The following CLDN16 variants were observed in gnomAD, a reference collection of about 807,000 sequenced individuals.
CLDN16 encodes the protein claudin-16.
In CLDN16, 13 loss-of-function variants were observed where a neutral mutation model predicts 24.6. That is an observed-to-expected ratio of 0.53 (90% CI 0.34 to 0.84). The LOEUF (loss-of-function observed/expected upper bound fraction) is 0.84. Among genes scored for constraint, CLDN16 ranks in the 40% least tolerant of loss-of-function variants. The pLI is 0.01. For missense variants in CLDN16, 298 were observed against 292.7 expected (o/e 1.02, Z -0.13); for synonymous variants, 116 against 106.7 (o/e 1.09, Z -0.54).
At chr3:190,370,520 T>G (rs1718116130) in intron 1 of CLDN16, among the ~76,000 whole-genome samples, 1 of 151,992 alleles carries the variant, frequency 6.6e-6, no homozygotes, top group Non-Finnish European at 1.5e-5. Context: ...CCATGCTTGT[T>G]GTGCATAACT....
At chr3:190,370,027 G>C (rs1361350705) in intron 1 of CLDN16, among the ~76,000 whole-genome samples, 1 of 151,938 alleles carries the variant, frequency 6.6e-6, no homozygotes, top group Non-Finnish European at 1.5e-5. Context: ...ACCCTAAATA[G>C]CTGACATTCT....
At chr3:190,322,298 G>T, upstream of CLDN16, 2 of 1,146,560 alleles carry the variant, frequency 1.7e-6, no homozygotes, top group Non-Finnish European at 2.6e-6. Flanking sequence ...GAAGGTGGCT[G>T]GGCCCCGCGG....
chr3:190,351,538 T>C (rs1196663507), intron 1 of CLDN16, among the ~76,000 whole-genome samples: 2 of 152,202 alleles, frequency 1.3e-5, no homozygotes, highest in Non-Finnish European at 2.9e-5. Flanking sequence ...AACAAACCAG[T>C]GAATTTAAAA....
rs961774185 is a variant in CLDN16 at position 190,335,320 on chromosome 3, A to C, written n.121+12659A>C. ...CTGCCTCCCAAAGTGCTAGGATTAC[A>C]GATGTGAGCCACTGCACCTGGCCCT... On this transcript the variant is annotated intron_variant and non_coding_transcript_variant, in intron 1 of 4. Coordinates refer to the CLDN16 transcript ENST00000468220. Among the ~76,000 whole-genome samples the C allele has an allele frequency of 4.6e-5, 7 of 152,238 alleles. No individual in the cohort carries two copies. In the East Asian group the frequency reaches 1.4e-3, roughly 30 times the overall value.
the CLDN16 span, chr3:190,310,300 A>G: frequency 6.9e-7 from 1 of 1,445,656 alleles, no homozygotes; most frequent in Non-Finnish European, 9.7e-7. Context: ...TGGAACACTG[A>G]GCCTAAATAC....
chr3:190,336,357 C>T (rs184496394), intron 1 of CLDN16, among the ~76,000 whole-genome samples: 1 of 152,166 alleles, frequency 6.6e-6, no homozygotes, highest in African/African-American at 2.4e-5. Context: ...GATTCAGTGG[C>T]TTGCCACATA....
chr3:190,333,665 A>G (rs1334580023), intron 1 of CLDN16, among the ~76,000 whole-genome samples: 2 of 152,122 alleles, frequency 1.3e-5, no homozygotes, highest in Non-Finnish European at 2.9e-5. Context: ...TGCATGCCAC[A>G]CTTACTAAAA....
intron 1 of CLDN16, among the ~76,000 whole-genome samples, chr3:190,328,603 C>A (rs1226004793): frequency 6.6e-6 from 1 of 151,870 alleles, no homozygotes; most frequent in Non-Finnish European, 1.5e-5. Context: ...GGTAGGCTGG[C>A]TGTGACTTGA....
At chr3:190,389,978 G>A (rs1365211792) in intron 1 of CLDN16, among the ~76,000 whole-genome samples, 1 of 152,160 alleles carries the variant, frequency 6.6e-6, no homozygotes. Flanking sequence ...ATAAGAAATA[G>A]TTTTAGAAAG....
At chr3:190,291,073 A>G in the CLDN16 span, among the ~76,000 whole-genome samples, 15 of 152,190 alleles carry the variant, frequency 9.9e-5, no homozygotes, top group Non-Finnish European at 1.9e-4. Flanking sequence ...AATGAATGCT[A>G]TGCGGAACCA....
chr3:190,311,482 C>T, the CLDN16 span, among the ~76,000 whole-genome samples: 1 of 152,108 alleles, frequency 6.6e-6, no homozygotes, highest in African/African-American at 2.4e-5. Context: ...ACTGGTTAAA[C>T]TGACATATTA....
At chr3:190,346,348 G>A (rs949671070) in intron 1 of CLDN16, among the ~76,000 whole-genome samples, 2 of 152,148 alleles carry the variant, frequency 1.3e-5, no homozygotes, top group Non-Finnish European at 2.9e-5. Flanking sequence ...ATTTTGAACT[G>A]TTTTAAAGTT....
chr3:190,313,199 A>G, the CLDN16 span: 1 of 690,856 alleles, frequency 1.4e-6, no homozygotes, highest in Non-Finnish European at 2.4e-6. Context: ...CCCAATATAC[A>G]GTATCTTCTC....
chr3:190,348,507 G>A (rs1717604118), intron 1 of CLDN16, among the ~76,000 whole-genome samples: 1 of 152,082 alleles, frequency 6.6e-6, no homozygotes, highest in African/African-American at 2.4e-5. Context: ...TACAACACAG[G>A]CCTGCAGTCA....
At chr3:190,395,680 T>C (rs1718801404) in intron 1 of CLDN16, among the ~76,000 whole-genome samples, 1 of 152,044 alleles carries the variant, frequency 6.6e-6, no homozygotes, top group Non-Finnish European at 1.5e-5. Flanking sequence ...GATAGTAAAG[T>C]GGTGTGAAAA....
At chr3:190,375,882 C>A (rs1049232698) in intron 3 of CLDN16, among the ~76,000 whole-genome samples, 18 of 101,450 alleles carry the variant, frequency 1.8e-4, no homozygotes, top group Admixed American at 4.0e-4. Context: ...CCCCTCCCCC[C>A]ACAAAAAAAC....
At chr3:190,334,340 G>T (rs1328482490) in intron 1 of CLDN16, among the ~76,000 whole-genome samples, 1 of 152,190 alleles carries the variant, frequency 6.6e-6, no homozygotes, top group Non-Finnish European at 1.5e-5. Context: ...AATTTGACTG[G>T]AGTATATGCT....
the CLDN16 span, among the ~76,000 whole-genome samples, chr3:190,297,237 T>C: frequency 2.0e-5 from 3 of 151,842 alleles, no homozygotes; most frequent in Non-Finnish European, 4.4e-5. Context: ...CAGTTTATTC[T>C]TTTTAGATAA....
intron 1 of CLDN16, among the ~76,000 whole-genome samples, chr3:190,350,928 T>C: frequency 6.6e-6 from 1 of 152,200 alleles, no homozygotes; most frequent in East Asian, 1.9e-4. Flanking sequence ...GTCTGTGATA[T>C]GGTTTGGAGG....
Sources: allele counts gnomAD v4.1 joint callset (sites outside exome capture counted in the v4.1 genomes callset), GRCh38; gene constraint gnomAD v4.1.1; transcripts MANE v1.5; gene names NCBI Gene and HGNC (gene_info 2026-07-23, HGNC 2026-07-21).